The following SLC9A6 variants were observed in gnomAD, a reference collection of about 807,000 sequenced individuals.
The protein encoded by SLC9A6 is solute carrier family 9 member A6.
SLC9A6 carries 6 observed loss-of-function variants against 45.3 expected under a neutral mutation model. The observed-to-expected ratio is 0.13, with a 90% CI of 0.07 to 0.26. SLC9A6 has a LOEUF of 0.26. Ranked by LOEUF, SLC9A6 falls within the 10% of genes least tolerant of loss-of-function variation. The pLI, the probability that SLC9A6 is intolerant of heterozygous loss-of-function variation, is 1.00. For missense variants in SLC9A6, 278 were observed against 503.7 expected, an observed-to-expected ratio of 0.55 and a Z score of 4.29; for synonymous variants, 191 against 187.7, an observed-to-expected ratio of 1.02 and a Z score of -0.14.
chrX:135,996,023 CTTTTTTTTTTTT>C (rs1167208674), intron 3 of SLC9A6, among the ~76,000 whole-genome samples: 8 of 55,352 alleles, frequency 1.4e-4, no homozygotes, highest in African/African-American at 3.0e-4. Flanking sequence ...CAGGACTTGA[CTTTTTTTTTTTT>C]TTTTTTTTTT....
intron 6 of SLC9A6, among the ~76,000 whole-genome samples, chrX:136,001,369 C>G (rs1046782768): frequency 9.4e-6 from 1 of 106,947 alleles, no homozygotes; most frequent in South Asian, 4.2e-4. Context: ...CCAAAAGGCT[C>G]ACCTCTCGTT....
intron 15 of SLC9A6, among the ~76,000 whole-genome samples, chrX:136,030,701 T>C (rs782208463): frequency 8.9e-6 from 1 of 111,737 alleles, no homozygotes; most frequent in East Asian, 2.8e-4. Flanking sequence ...CTTCCTTCTG[T>C]TGTGTCAGTT....
chrX:135,975,734 C>G (rs1196682241), intron 1 of SLC9A6, among the ~76,000 whole-genome samples: 1 of 112,189 alleles, frequency 8.9e-6, no homozygotes, highest in Non-Finnish European at 1.9e-5. Flanking sequence ...CATGGACTTG[C>G]ATGTACTCTC....
intron 17 of SLC9A6, 32 bp downstream of exon 17, chrX:136,040,213 C>A: frequency 9.6e-7 from 1 of 1,046,297 alleles, no homozygotes; most frequent in Non-Finnish European, 1.3e-6. Flanking sequence ...CTAAATTCTT[C>A]AGTAAGTTAA....
chrX:135,998,135 A>G lies in SLC9A6; in HGVS notation c.397A>G (p.Asn133Asp). Residue 133 changes from asparagine to aspartate, a missense_variant, in exon 4 of 18, where the codon AAC becomes GAC. Around this residue, in one of 5 missense-constraint regions of SLC9A6, gnomAD observed 118 missense variants for 209.9 expected, o/e 0.56. Transcript: ENST00000630721. Reference protein sequence around the residue: ...KVTFDPEVFFNILLPPIIFYA... With the variant: ...KVTFDPEVFFDILLPPIIFYA... ...TACTTTTGATCCAGAAGTATTTTTC[A>G]ACATATTACTTCCTCCTATCATATT... 1 of 1,128,747 alleles carries G rather than the reference A, an allele frequency of 8.9e-7. No homozygotes were observed. Among genetic ancestry groups the G allele is most frequent in the Non-Finnish European group, 1.2e-6 (1 of 820,134 alleles). The allele number at this position is 1,128,747 out of a possible 1,213,427, so 93.0% of individuals were successfully genotyped here.
chrX:136,042,232 T>C (rs2148214170), intron 17 of SLC9A6, among the ~76,000 whole-genome samples: 1 of 108,875 alleles, frequency 9.2e-6, no homozygotes, highest in South Asian at 4.1e-4. Flanking sequence ...TGGAGTGCAG[T>C]GGCGCGATCT....
intron 9 of SLC9A6, 128 bp from the exon 10 acceptor site, chrX:136,013,221 C>A (rs1267541175): frequency 1.4e-6 from 1 of 733,202 alleles, no homozygotes; most frequent in Non-Finnish European, 2.1e-6. Flanking sequence ...GAAGTGGTTC[C>A]TCTTAACAAA....
intron 8 of SLC9A6, 64 bp downstream of exon 8, chrX:136,010,647 G>A (rs2070903186): frequency 6.8e-6 from 7 of 1,035,089 alleles, no homozygotes; most frequent in East Asian, 6.1e-5. Flanking sequence ...GCTGTATTCC[G>A]TTGTTTTTCC....
chrX:136,040,406 G>T (rs782649296), intron 17 of SLC9A6, among the ~76,000 whole-genome samples: 21 of 112,148 alleles, frequency 1.9e-4, no homozygotes, highest in Non-Finnish European at 3.4e-4. Context: ...ATAGAATCGT[G>T]CCTCATCTTA....
chrX:136,014,213 C>T (rs1339017927), intron 10 of SLC9A6, among the ~76,000 whole-genome samples: 2 of 112,089 alleles, frequency 1.8e-5, no homozygotes, highest in African/African-American at 6.5e-5. Context: ...TTGTGGGATT[C>T]GCCTGAAAAG....
chrX:136,018,233 A>G (rs1217304580), intron 11 of SLC9A6, among the ~76,000 whole-genome samples: 1 of 111,935 alleles, frequency 8.9e-6, no homozygotes, highest in Non-Finnish European at 1.9e-5. Flanking sequence ...TTTGAGGAAG[A>G]TGGAGGTTCG....
At chrX:135,984,581 T>A (rs1556614516), upstream of SLC9A6, among the ~76,000 whole-genome samples, 2 of 111,688 alleles carry the variant, frequency 1.8e-5, no homozygotes, top group East Asian at 2.8e-4. Context: ...ACTGTGAAAA[T>A]TCTGGTGAGA....
chrX:136,008,570 A>C (rs2070862690), intron 7 of SLC9A6, among the ~76,000 whole-genome samples: 1 of 112,342 alleles, frequency 8.9e-6, no homozygotes, highest in African/African-American at 3.2e-5. Context: ...TGTCATTGTC[A>C]GTTAAAAAAG....
At chrX:136,004,493 T>G (rs2089628325) in intron 7 of SLC9A6, among the ~76,000 whole-genome samples, 1 of 111,803 alleles carries the variant, frequency 8.9e-6, no homozygotes, top group Non-Finnish European at 1.9e-5. Context: ...CTTCACATTT[T>G]CTCTTTATTT....
upstream of SLC9A6, chrX:135,973,872 G>T: frequency 8.6e-7 from 1 of 1,157,526 alleles, no homozygotes; most frequent in Non-Finnish European, 1.2e-6. Flanking sequence ...AAAGCTACAC[G>T]GAAAAAGGTC....
intron 7 of SLC9A6, among the ~76,000 whole-genome samples, chrX:136,007,291 G>T (rs369318085): frequency 7.3e-5 from 8 of 110,084 alleles, no homozygotes; most frequent in Non-Finnish European, 1.3e-4. Flanking sequence ...TCATCAATGG[G>T]GGGGGGTTCC....
intron 7 of SLC9A6, among the ~76,000 whole-genome samples, chrX:136,007,106 A>T (rs1395983472): frequency 1.8e-5 from 2 of 111,165 alleles, no homozygotes; most frequent in Non-Finnish European, 3.8e-5. Context: ...ACCTCAGGTG[A>T]TCCGTCCGCC....
At chrX:136,008,000 G>A (rs1404010181) in intron 7 of SLC9A6, among the ~76,000 whole-genome samples, 1 of 111,396 alleles carries the variant, frequency 9.0e-6, no homozygotes, top group East Asian at 2.8e-4. Context: ...TTGGAAGGCA[G>A]TGGAGCAACA....
intron 7 of SLC9A6, among the ~76,000 whole-genome samples, chrX:136,005,613 G>A (rs140635351): frequency 1.8e-5 from 2 of 108,854 alleles, no homozygotes; most frequent in Admixed American, 9.8e-5. Flanking sequence ...CCCAGGAGGC[G>A]GAAGTTGCGG....
Sources: allele counts gnomAD v4.1 joint callset (sites outside exome capture counted in the v4.1 genomes callset), GRCh38; gene constraint gnomAD v4.1.1; regional missense constraint gnomAD v4.1.1; transcripts MANE v1.5; gene names NCBI Gene and HGNC (gene_info 2026-07-23, HGNC 2026-07-21).